The following IGSF21 variants were observed in gnomAD, a reference collection of about 807,000 sequenced individuals.
IGSF21 encodes the protein immunoglobulin superfamily member 21.
In IGSF21, 28 loss-of-function variants were observed where a neutral mutation model predicts 46.8. That is an observed-to-expected ratio of 0.60 (90% confidence interval 0.44 to 0.82). The LOEUF (loss-of-function observed/expected upper bound fraction) is 0.82, where lower values mean the gene tolerates loss of function less well. Among genes scored for constraint, IGSF21 ranks in the 40% least tolerant of loss-of-function variants. IGSF21 has a pLI of 0.00. For missense variants in IGSF21, 624 were observed against 665.5 expected, an observed-to-expected ratio of 0.94 and a Z score of 0.69; for synonymous variants, 284 against 273.6, an observed-to-expected ratio of 1.04 and a Z score of -0.38.
intron 7 of IGSF21, 115 bp downstream of exon 7, chr1:18,376,510 C>T (rs1182960604): frequency 2.4e-6 from 2 of 840,358 alleles, no homozygotes; most frequent in African/African-American, 3.3e-5. Flanking sequence ...CCAGCCACAT[C>T]CAGTGGGTTT....
In IGSF21 at chr1:18,286,340, G is replaced by T. The variant is rs112994781; in HGVS notation, c.184-5526G>T. Among the ~76,000 whole-genome samples, 1,108 of 152,252 alleles carry T rather than the reference G, an allele frequency of 7.3e-3. 13 individuals are homozygous for T. Among genetic ancestry groups the T allele is most frequent in the African/African-American group, 0.025 (1,041 of 41,522 alleles). On this transcript the variant is annotated intron_variant, in intron 2 of 9. Coordinates refer to ENST00000251296, the MANE Select transcript of IGSF21 (RefSeq NM_032880.5). Reference sequence around the variant, plus strand: ...TCACTTATTCAACATCCCTTCGTATGCCAGGCACTGTGCTAGGCTCTGGGA... The same window carrying T: ...TCACTTATTCAACATCCCTTCGTATTCCAGGCACTGTGCTAGGCTCTGGGA...
At chr1:18,372,168 C>A (rs1044853180) in intron 6 of IGSF21, among the ~76,000 whole-genome samples, 14 of 152,318 alleles carry the variant, frequency 9.2e-5, no homozygotes, top group Non-Finnish European at 1.8e-4. Context: ...GGGCTCAGAA[C>A]AACCCCAACA....
chr1:18,196,420 C>T lies in IGSF21; in HGVS notation c.71-31478C>T, dbSNP rs544396162. On this transcript the variant is annotated intron_variant, in intron 1 of 9. Transcript: ENST00000251296. ...GGATACTTCCTGAGTCCCTGCAGGG[C>T]GCGTCTGCAGAATCCAAGTGTGCAG... 1.4e-4 allele frequency among the ~76,000 whole-genome samples: 21 copies of T among 152,220 alleles called. 1 individual carries two copies. The South Asian group carries it at 1.7e-3, about 12-fold the overall frequency.
At chr1:18,110,936 C>G (rs2086137797) in intron 1 of IGSF21, 2 of 152,408 alleles carry the variant, frequency 1.3e-5, no homozygotes, top group Non-Finnish European at 2.9e-5. Flanking sequence ...ACGGCCCCAG[C>G]CGGGGGTCTC....
intron 3 of IGSF21, among the ~76,000 whole-genome samples, chr1:18,299,508 T>C (rs1034265256): frequency 6.6e-6 from 1 of 152,178 alleles, no homozygotes; most frequent in Non-Finnish European, 1.5e-5. Flanking sequence ...GAAGCATACG[T>C]CTTCTTTCTC....
At chr1:18,128,719 G>C (rs1367977851) in intron 1 of IGSF21, among the ~76,000 whole-genome samples, 3 of 152,152 alleles carry the variant, frequency 2.0e-5, no homozygotes, top group African/African-American at 7.2e-5. Context: ...AACTCCCCTA[G>C]TGGGTTTGTG....
Position 18,302,203 on chromosome 1 carries a change from G to A in IGSF21, c.305+10216G>A, listed in dbSNP as rs538387446. Among the ~76,000 whole-genome samples, 78 of 152,034 alleles carry A rather than the reference G, an allele frequency of 5.1e-4. 1 individual carries two copies. Among genetic ancestry groups the A allele is most frequent in the Admixed American group, 1.4e-3 (21 of 15,288 alleles). On this transcript the variant is annotated intron_variant, in intron 3 of 9. Transcript: ENST00000251296. Reference sequence around the variant, plus strand: ...CCCAAGCTCCAATGCTCAGCTTGACGCAGCAGCCCTCCCCAACCCTCTCCC... The same window carrying A: ...CCCAAGCTCCAATGCTCAGCTTGACACAGCAGCCCTCCCCAACCCTCTCCC...
chr1:18,302,731 G>T (rs1348277080), intron 3 of IGSF21, among the ~76,000 whole-genome samples: 1 of 152,144 alleles, frequency 6.6e-6, no homozygotes, highest in Non-Finnish European at 1.5e-5. Flanking sequence ...TGCCCCAGAG[G>T]CCCCTGGAAC....
At chr1:18,305,619 T>A (rs1465778948) in intron 3 of IGSF21, among the ~76,000 whole-genome samples, 1 of 151,988 alleles carries the variant, frequency 6.6e-6, no homozygotes, top group African/African-American at 2.4e-5. Context: ...GATGGATGGA[T>A]GGATGAGCTT....
intron 4 of IGSF21, among the ~76,000 whole-genome samples, chr1:18,349,082 T>C (rs542768892): frequency 1.1e-3 from 170 of 152,338 alleles, no homozygotes; most frequent in Admixed American, 1.8e-3. Context: ...CTTTCTTTGG[T>C]TTAATTCTCA....
Position 18,183,302 on chromosome 1 carries a change from G to T in IGSF21, c.71-44596G>T, listed in dbSNP as rs1312358497. ...CACCATCTAGCTCTGAGGTTTGGGG[G>T]CTCTTCCTTTCCATTAAGTTGTAAA... On this transcript the variant is annotated intron_variant, in intron 1 of 9. Transcript: ENST00000251296. Among the ~76,000 whole-genome samples, 6 of 152,312 alleles carry T rather than the reference G, an allele frequency of 3.9e-5. No individual in the cohort carries two copies. The East Asian group carries it at 1.2e-3, about 29-fold the overall frequency.
chr1:18,249,773 C>T (rs949819813), intron 2 of IGSF21, among the ~76,000 whole-genome samples: 36 of 152,216 alleles, frequency 2.4e-4, no homozygotes, highest in African/African-American at 8.7e-4. Context: ...CTTTCCTCTA[C>T]TGGCCCACAG....
At chr1:18,319,285 G>A (rs1360755962) in intron 3 of IGSF21, among the ~76,000 whole-genome samples, 1 of 152,168 alleles carries the variant, frequency 6.6e-6, no homozygotes, top group East Asian at 1.9e-4. Context: ...AAGAAAAAAA[G>A]GACACACCCC....
chr1:18,242,275 C>G (rs574790337), intron 2 of IGSF21, among the ~76,000 whole-genome samples: 5 of 152,136 alleles, frequency 3.3e-5, no homozygotes, highest in Admixed American at 6.5e-5. Context: ...CCTTCTCCCC[C>G]ACGCTGCCTC....
chr1:18,274,555 TGGATTGTCCA>T (rs1408059646), intron 2 of IGSF21, among the ~76,000 whole-genome samples: 1 of 152,288 alleles, frequency 6.6e-6, no homozygotes, highest in Admixed American at 6.5e-5. Context: ...CATTCATTTC[TGGATTGTCCA>T]GGGCTGTTTT....
chr1:18,130,360 G>A (rs745406564), intron 1 of IGSF21, among the ~76,000 whole-genome samples: 1 of 152,200 alleles, frequency 6.6e-6, no homozygotes, highest in Non-Finnish European at 1.5e-5. Flanking sequence ...CAGAAACGGA[G>A]CAGTCAGGAT....
intron 4 of IGSF21, among the ~76,000 whole-genome samples, chr1:18,336,375 ATT>A (rs1414063976): frequency 3.3e-5 from 5 of 152,204 alleles, no homozygotes; most frequent in African/African-American, 1.2e-4. Flanking sequence ...GTGTTATGTC[ATT>A]TAGTCCTCAC....
chr1:18,341,012 C>CTTTTCTTCT (rs1408481162), intron 4 of IGSF21, among the ~76,000 whole-genome samples: 2 of 84,984 alleles, frequency 2.4e-5, no homozygotes, highest in African/African-American at 1.0e-4. Context: ...CCTCCTTCTT[C>CTTTTCTTCT]TCTTCTTCTT....
At chr1:18,162,742 G>A (rs2086639240) in intron 1 of IGSF21, among the ~76,000 whole-genome samples, 1 of 152,188 alleles carries the variant, frequency 6.6e-6, no homozygotes, top group Non-Finnish European at 1.5e-5. Flanking sequence ...ATAGCGTGGG[G>A]CCTGACATAT....
Sources: allele counts gnomAD v4.1 joint callset (sites outside exome capture counted in the v4.1 genomes callset), GRCh38; gene constraint gnomAD v4.1.1; transcripts MANE v1.5; gene names NCBI Gene and HGNC (gene_info 2026-07-23, HGNC 2026-07-21).